The following BNC2 variants were observed in gnomAD, a reference collection of about 807,000 sequenced individuals.
BNC2 encodes zinc finger protein basonuclin-2.
Under a neutral mutation model 76.3 loss-of-function variants are expected in BNC2, and 20 were observed. That is an observed-to-expected ratio of 0.26 (90% CI 0.18 to 0.38). The LOEUF is 0.38. Among genes scored for constraint, BNC2 ranks in the 10% least tolerant of loss-of-function variants. The pLI, the probability that BNC2 is intolerant of heterozygous loss-of-function variation, is 1.00. For missense variants in BNC2, 1,382 were observed against 1,399.8 expected, an observed-to-expected ratio of 0.99 and a Z score of 0.20; for synonymous variants, 582 against 514.8, an observed-to-expected ratio of 1.13 and a Z score of -1.77.
At chr9:16,552,000 T>G (rs1164330114) in intron 5 of BNC2, among the ~76,000 whole-genome samples, 1 of 152,174 alleles carries the variant, frequency 6.6e-6, no homozygotes, top group Admixed American at 6.5e-5. Context: ...GGCTATCATG[T>G]GAGGGTTTAC....
chr9:16,419,923 C>G lies in BNC2; in HGVS notation c.2640-274G>C, dbSNP rs377395645. Among the ~76,000 whole-genome samples, 10 of 152,220 alleles carry G rather than the reference C, an allele frequency of 6.6e-5. No homozygotes were observed. In the East Asian group the frequency reaches 1.9e-3, roughly 29 times the overall value. On this transcript the variant is annotated intron_variant, in intron 6 of 6. Transcript: ENST00000380672. Reference sequence around the variant, plus strand: ...ATGGTAGGATGAATGCAAACCCGTGCACCTTTTTCTCAATGATTACTCTGT... The same window carrying G: ...ATGGTAGGATGAATGCAAACCCGTGGACCTTTTTCTCAATGATTACTCTGT...
chr9:16,867,281 A>ATATT (rs1451614321), intron 1 of BNC2: 1 of 152,174 alleles, frequency 6.6e-6, no homozygotes, highest in Non-Finnish European at 1.5e-5. Context: ...AGATGCTAAT[A>ATATT]GTATAGAAAA....
At chr9:16,723,611 C>T (rs1035791398) in intron 3 of BNC2, among the ~76,000 whole-genome samples, 2 of 151,924 alleles carry the variant, frequency 1.3e-5, no homozygotes, top group African/African-American at 4.8e-5. Flanking sequence ...TCATATTGAG[C>T]ACTGTTTTAA....
chr9:16,730,304 G>C (rs1167929532), intron 2 of BNC2, among the ~76,000 whole-genome samples: 1 of 152,152 alleles, frequency 6.6e-6, no homozygotes, highest in African/African-American at 2.4e-5. Flanking sequence ...ATCAATGAAA[G>C]ATCATCAGCC....
In BNC2 at chr9:16,815,633, C is replaced by CATAAT. The variant is rs1818165133; in HGVS notation, c.3+55012_3+55013insATTAT. Reference sequence around the variant, plus strand: ...GACATAACACAATCCAACTAATACTCTGGTTAACCATAATAGGGAAGAGGT... The same window carrying CATAAT: ...GACATAACACAATCCAACTAATACTCATAATTGGTTAACCATAATAGGGAAGAGGT... On this transcript the variant is annotated intron_variant, in intron 1 of 6. Transcript: ENST00000380672. Among the ~76,000 whole-genome samples the CATAAT allele has an allele frequency of 2.0e-5, 3 of 152,328 alleles. No homozygotes were observed. The East Asian group carries it at 5.8e-4, about 29-fold the overall frequency.
intron 1 of BNC2, among the ~76,000 whole-genome samples, chr9:16,853,904 A>G (rs573573304): frequency 6.6e-6 from 1 of 152,286 alleles, no homozygotes. Flanking sequence ...GAGTTCATTA[A>G]GCTCTGCGGG....
At chr9:16,508,815 G>C (rs1157854634) in intron 5 of BNC2, among the ~76,000 whole-genome samples, 8 of 135,826 alleles carry the variant, frequency 5.9e-5, no homozygotes, top group Non-Finnish European at 9.3e-5. Flanking sequence ...TGTATGTTTT[G>C]CACATCTTTT....
At chr9:16,755,282 G>C (rs912207364) in intron 1 of BNC2, among the ~76,000 whole-genome samples, 17 of 152,146 alleles carry the variant, frequency 1.1e-4, no homozygotes, top group Admixed American at 3.9e-4. Context: ...GTCCACAGGA[G>C]ACCCAGGGGA....
chr9:16,557,455 T>C (rs1818870953), intron 4 of BNC2, among the ~76,000 whole-genome samples: 1 of 151,546 alleles, frequency 6.6e-6, no homozygotes. Flanking sequence ...GCTGAGATCG[T>C]ACCACTGCAC....
chr9:16,533,103 G>C (rs1341744132), intron 5 of BNC2, among the ~76,000 whole-genome samples: 2 of 152,138 alleles, frequency 1.3e-5, no homozygotes, highest in African/African-American at 2.4e-5. Flanking sequence ...AAAAAGAAGA[G>C]AAAGAGATAA....
At chr9:16,541,022 C>T (rs531019975) in intron 5 of BNC2, among the ~76,000 whole-genome samples, 1 of 152,308 alleles carries the variant, frequency 6.6e-6, no homozygotes, top group Admixed American at 6.5e-5. Context: ...GAAGACAGGG[C>T]CATCCTCTTC....
intron 3 of BNC2, among the ~76,000 whole-genome samples, chr9:16,605,311 T>A (rs564644216): frequency 6.5e-4 from 99 of 152,378 alleles, no homozygotes; most frequent in African/African-American, 2.1e-3. Flanking sequence ...ACGCACTTAC[T>A]ATCAAGCAGT....
intron 1 of BNC2, among the ~76,000 whole-genome samples, chr9:16,776,457 T>C (rs113578347): frequency 1.2e-4 from 19 of 152,236 alleles, no homozygotes; most frequent in African/African-American, 4.6e-4. Context: ...TTTATTTAAA[T>C]TCAGATTAAA....
chr9:16,468,542 T>C (rs6475056), intron 5 of BNC2, among the ~76,000 whole-genome samples: 142,002 of 152,012 alleles, frequency 0.93, 66,475 homozygotes, highest in East Asian at 1. Flanking sequence ...ACTACAGGCG[T>C]GCACCACCAC....
At position 16,435,618 on chromosome 9, in the gene BNC2, T is replaced by C. The variant is rs1404922971; in HGVS notation, c.2576A>G (p.Glu859Gly). 6.2e-7 allele frequency: 1 copy of C among 1,614,176 alleles called. No homozygotes were observed. ...KLHYRNVHLK[E>G]MHVCTVAGCN... ...ACCAGCCACTGTGCAGACGTGCATC[T>C]CTTTCAAGTGAACGTTCCTGTAGTG... is the stretch of plus-strand genomic sequence containing the variant. Residue 859 changes from glutamate (E) to glycine (G), a missense_variant, in exon 6 of 7, where the codon GAG becomes GGG. Physicochemically the swap from Glu to Gly is moderately conservative, Grantham distance 98. Transcript: ENST00000380672.
At chr9:16,813,501 A>G (rs576746129) in intron 1 of BNC2, among the ~76,000 whole-genome samples, 34 of 152,030 alleles carry the variant, frequency 2.2e-4, no homozygotes, top group African/African-American at 7.5e-4. Flanking sequence ...GCCTGACCTC[A>G]TGATCCGCCC....
chr9:16,801,334 C>T (rs1160790121), intron 1 of BNC2, among the ~76,000 whole-genome samples: 1 of 152,050 alleles, frequency 6.6e-6, no homozygotes, highest in East Asian at 1.9e-4. Flanking sequence ...CAACCTCTGC[C>T]CCCTGGGTTC....
rs566311337 is a variant in BNC2 at position 16,757,937 on chromosome 9, G to C, written c.4-19452C>G. Among the ~76,000 whole-genome samples, 87 of 152,066 alleles carry C rather than the reference G, an allele frequency of 5.7e-4. 1 individual carries two copies. Among genetic ancestry groups the C allele is most frequent in the Non-Finnish European group, 1.1e-3 (75 of 68,018 alleles). The stretch of plus-strand genomic sequence containing the variant: ...AAAGCAAGGTATATTAGTTTTCTAT[G>C]TCTACCCTAAAAAATTACCACTAAT... On this transcript the variant is annotated intron_variant, in intron 1 of 6. Coordinates refer to ENST00000380672, the MANE Select transcript of BNC2 (RefSeq NM_017637.6).
In BNC2 at chr9:16,433,209, TTG is replaced by T. The variant is rs1247390261; in HGVS notation, c.2639+2344_2639+2345del. 2.6e-5 allele frequency among the ~76,000 whole-genome samples: 4 copies of T among 152,228 alleles called. No homozygotes were observed. In the South Asian group the frequency reaches 6.2e-4, roughly 24 times the overall value. ...AATGTCAAAATTAAAGTATCAGAAC[TTG>T]TGTGTTTCTAACCTAAGATCAAAAG... On this transcript the variant is annotated intron_variant, in intron 6 of 6. Coordinates refer to ENST00000380672, the MANE Select transcript of BNC2 (RefSeq NM_017637.6).
Sources: allele counts gnomAD v4.1 joint callset (sites outside exome capture counted in the v4.1 genomes callset), GRCh38; gene constraint gnomAD v4.1.1; transcripts MANE v1.5; gene names NCBI Gene and HGNC (gene_info 2026-07-23, HGNC 2026-07-21).